The following SVEP1 variants were observed in gnomAD, a reference collection of about 807,000 sequenced individuals.
SVEP1 encodes the protein sushi, von Willebrand factor type A, EGF and pentraxin domain-containing protein 1.
A neutral mutation model predicts 367.3 loss-of-function variants in SVEP1; 164 were observed. The ratio of observed to expected loss-of-function variants is 0.45; its 90% confidence interval spans 0.39 to 0.51. The LOEUF (loss-of-function observed/expected upper bound fraction) is 0.51, where lower values mean the gene tolerates loss of function less well. Ranked by LOEUF, SVEP1 falls within the 20% of genes least tolerant of loss-of-function variation. The pLI, the probability that SVEP1 is intolerant of heterozygous loss-of-function variation, is 0.00. For synonymous variants in SVEP1, 1,666 were observed against 1,611.6 expected, an observed-to-expected ratio of 1.03 and a Z score of -0.81; for missense variants, 4,117 against 4,425.3, an observed-to-expected ratio of 0.93 and a Z score of 1.98.
rs941546945 is a variant in SVEP1, at chr9:110,382,922, C to T, written c.10237+2976G>A. Among the ~76,000 whole-genome samples the T allele has an allele frequency of 4.6e-5, 7 of 152,130 alleles. No individual in the cohort carries two copies. In the South Asian group the frequency reaches 1.2e-3, roughly 27 times the overall value. On this transcript the variant is annotated intron_variant, in intron 43 of 47. Coordinates refer to ENST00000374469, the MANE Select transcript of SVEP1 (RefSeq NM_153366.4). ...CAGCTCCATCAGGTCATTTACATTC[C>T]TTTCTAAACTGGTTATTCTGGTTAA...
Position 110,450,050 on chromosome 9 carries a change from G to T in SVEP1, c.4103+9C>A. On this transcript the variant is annotated intron_variant, in intron 24 of 47. Transcript: ENST00000374469. ...AAAACAGTGAAAAGAATCAGACTTA[G>T]CCTTTTACCTGAAGCTATTGGCACC... 6.2e-7 allele frequency: 1 copy of T among 1,613,610 alleles called. No homozygotes were observed. Among genetic ancestry groups the T allele is most frequent in the Non-Finnish European group, 8.5e-7 (1 of 1,179,626 alleles).
At chr9:110,475,860 G>GT (rs2118683319) in intron 14 of SVEP1, 1 of 178,638 alleles carries the variant, frequency 5.6e-6, no homozygotes, top group South Asian at 1.4e-4. Flanking sequence ...TGACTTCATT[G>GT]TAACTTACAC....
chr9:110,486,948 C>T lies in SVEP1; in HGVS notation c.1930+2702G>A, dbSNP rs538841325. On this transcript the variant is annotated intron_variant, in intron 9 of 47. Coordinates refer to ENST00000374469, the MANE Select transcript of SVEP1 (RefSeq NM_153366.4). ...GTGTGAGCCACCACACCTGGACCTT[C>T]TCTCTCTCTCTCTGTCTCTCTCTTT... Among the ~76,000 whole-genome samples the T allele has an allele frequency of 8.0e-5, 12 of 149,660 alleles. 1 individual carries two copies. The South Asian group carries it at 2.6e-3, about 32-fold the overall frequency.
At chr9:110,509,305 T>C (rs1265588088) in intron 5 of SVEP1, among the ~76,000 whole-genome samples, 1 of 152,232 alleles carries the variant, frequency 6.6e-6, no homozygotes, top group African/African-American at 2.4e-5. Flanking sequence ...GGTATGCGTT[T>C]CATAGAACAA....
intron 5 of SVEP1, among the ~76,000 whole-genome samples, chr9:110,511,665 T>G (rs1646301513): frequency 6.6e-6 from 1 of 152,104 alleles, no homozygotes; most frequent in African/African-American, 2.4e-5. Context: ...TTCAATCTGC[T>G]GATCGTTTTC....
At chr9:110,411,969 T>C (rs1214200333) in intron 36 of SVEP1, among the ~76,000 whole-genome samples, 1 of 152,226 alleles carries the variant, frequency 6.6e-6, no homozygotes, top group African/African-American at 2.4e-5. Context: ...AACGACTTTA[T>C]CTTTAAAATA....
intron 9 of SVEP1, among the ~76,000 whole-genome samples, chr9:110,487,897 T>A (rs1342517663): frequency 6.6e-6 from 1 of 152,182 alleles, no homozygotes; most frequent in Non-Finnish European, 1.5e-5. Context: ...CCCAACCAGC[T>A]TGGGTTCAGA....
chr9:110,386,692 G>T (rs1244369122), intron 42 of SVEP1, among the ~76,000 whole-genome samples: 3 of 152,154 alleles, frequency 2.0e-5, no homozygotes, highest in Non-Finnish European at 4.4e-5. Context: ...CTTAGCGCAA[G>T]TGTGTGACAC....
Position 110,411,607 on chromosome 9 carries a change from G to A in SVEP1, c.6104C>T (p.Ala2035Val). The A allele has an allele frequency of 6.2e-7, 1 of 1,613,704 alleles. No homozygotes were observed. The highest frequency in any genetic ancestry group is 8.5e-7 in the Non-Finnish European group (1 of 1,179,800). ...PIVDHASPETAHRLFGDIAFY... is the reference protein window; with the variant it reads ...PIVDHASPETVHRLFGDIAFY... ...TGCAATGTCTCCAAAGAGCCGATGG[G>A]CAGTCTCTGGAGAGGCGTGGTCCAC... Residue 2035 changes from alanine (A) to valine (V), a missense_variant, in exon 37 of 48, where the codon GCC becomes GTC. By Grantham distance (64) the Ala-to-Val change is moderately conservative. Around this residue, in one of 4 missense-constraint regions of SVEP1, gnomAD observed 2,174 missense variants for 2,494.3 expected, o/e 0.87. Transcript: ENST00000374469.
intron 3 of SVEP1, among the ~76,000 whole-genome samples, chr9:110,540,211 A>T (rs1342484424): frequency 6.6e-6 from 1 of 152,098 alleles, no homozygotes; most frequent in African/African-American, 2.4e-5. Context: ...TGAAAGGTAA[A>T]GGATGAAGAC....
intron 2 of SVEP1, among the ~76,000 whole-genome samples, 170 bp from the exon 3 acceptor site, chr9:110,546,461 C>T (rs551684657): frequency 1.3e-5 from 2 of 152,192 alleles, no homozygotes; most frequent in South Asian, 4.1e-4. Context: ...TTTGTACTAG[C>T]GCGCTCTGGG....
rs1828311962 is a variant in SVEP1, at chr9:110,429,282, T to C, written c.5668A>G (p.Asn1890Asp). ...AGDKESSCLA[N>D]SSWSHSPPVC... is the part of the protein sequence containing the mutation. Reference sequence around the variant, plus strand: ...GGAGGGGAATGACTCCAAGAACTGTTAGCAAGACAGGATGATTCTTTATCA... The same window carrying C: ...GGAGGGGAATGACTCCAAGAACTGTCAGCAAGACAGGATGATTCTTTATCA... Residue 1890 changes from asparagine (N) to aspartate (D), a missense_variant, in exon 35 of 48, where the codon AAC (asparagine) becomes GAC (aspartate). By Grantham distance (23) the Asn-to-Asp change is conservative (BLOSUM62 1). Around this residue, in one of 4 missense-constraint regions of SVEP1, gnomAD observed 2,174 missense variants for 2,494.3 expected, o/e 0.87. Coordinates refer to ENST00000374469, the MANE Select transcript of SVEP1 (RefSeq NM_153366.4). The C allele has an allele frequency of 4.4e-6, 7 of 1,595,970 alleles. No homozygotes were observed. The East Asian group carries it at 1.6e-4, about 36-fold the overall frequency.
At position 110,579,376 on chromosome 9, in the gene SVEP1, C is replaced by A. The variant is rs1830665529; in HGVS notation, c.168G>T (p.Ala56=). 1.3e-6 allele frequency: 2 copies of A among 1,562,524 alleles called. No individual in the cohort carries two copies. Among genetic ancestry groups the A allele is most frequent in the South Asian group, 2.3e-5 (2 of 85,196 alleles). The part of the protein sequence containing the change: ...IPAPPAPGDE[A]AGSRVERLGQ... ...CCAGCCGCTCCACTCTGCTCCCCGC[C>A]GCTTCGTCGCCAGGAGCGGGCGGCG... The change falls in exon 1 of 48, where the codon GCG becomes GCT. Residue 56 remains alanine (A), a synonymous_variant. Coordinates refer to ENST00000374469, the MANE Select transcript of SVEP1 (RefSeq NM_153366.4). The surrounding 1 kb of genome is among the most constrained non-coding windows in gnomAD (Gnocchi z 5.3).
chr9:110,456,990 T>A (rs79148706), intron 21 of SVEP1, among the ~76,000 whole-genome samples: 4,955 of 152,286 alleles, frequency 0.033, 81 homozygotes, highest in Middle Eastern at 0.058. Context: ...ATGACCCCTG[T>A]ATTTCAATTT....
intron 36 of SVEP1, among the ~76,000 whole-genome samples, chr9:110,423,045 C>A (rs529732547): frequency 0.036 from 4,774 of 131,628 alleles, 333 homozygotes; most frequent in African/African-American, 0.14. Flanking sequence ...GGGTGCAGCG[C>A]ACCAGCATGG....
At chr9:110,533,970 T>C (rs1460473932) in intron 3 of SVEP1, among the ~76,000 whole-genome samples, 3 of 152,208 alleles carry the variant, frequency 2.0e-5, no homozygotes, top group Non-Finnish European at 4.4e-5. Flanking sequence ...GAATTGCAAG[T>C]AACAGCATGA....
intron 40 of SVEP1, among the ~76,000 whole-genome samples, chr9:110,390,357 A>AAGTATGTG (rs1245396540): frequency 5.4e-4 from 43 of 79,936 alleles, no homozygotes; most frequent in African/African-American, 1.2e-3. Flanking sequence ...ACACTTATAT[A>AAGTATGTG]TATATACTTA....
chr9:110,479,389 A>G (rs1165753634), intron 13 of SVEP1, among the ~76,000 whole-genome samples: 1 of 152,188 alleles, frequency 6.6e-6, no homozygotes, highest in Non-Finnish European at 1.5e-5. Flanking sequence ...GCATTCTCCA[A>G]CCATCCAGAC....
rs118081976 is a variant in SVEP1, at chr9:110,366,652, T to C, written c.10695-92A>G. 161 of 1,314,998 alleles carry C rather than the reference T, an allele frequency of 1.2e-4. 3 individuals carry two copies. The East Asian group carries it at 3.8e-3, about 31-fold the overall frequency. 81.5% of individuals were successfully genotyped at this position (1,314,998 alleles called of 1,614,324 possible). On this transcript the variant is annotated intron_variant, in intron 47 of 47. Coordinates refer to ENST00000374469, the MANE Select transcript of SVEP1 (RefSeq NM_153366.4). Reference sequence around the variant, plus strand: ...TCTTTAGGAGTTGATGAAAACAGGATTGAAAGTCCCAGATACCTGGGCATT... The same window carrying C: ...TCTTTAGGAGTTGATGAAAACAGGACTGAAAGTCCCAGATACCTGGGCATT...
Sources: allele counts gnomAD v4.1 joint callset (sites outside exome capture counted in the v4.1 genomes callset), GRCh38; gene constraint gnomAD v4.1.1; regional missense constraint gnomAD v4.1.1; non-coding constraint Gnocchi (gnomAD v3.1); transcripts MANE v1.5; gene names NCBI Gene and HGNC (gene_info 2026-07-23, HGNC 2026-07-21).